The following WDR88 variants were observed in gnomAD, a reference collection of about 807,000 sequenced individuals.
WDR88 encodes the protein WD repeat-containing protein 88.
Under a neutral mutation model 46.8 loss-of-function variants are expected in WDR88, and 40 were observed. That is an observed-to-expected ratio of 0.86 (90% CI 0.66 to 1.11). WDR88 has a LOEUF of 1.11. Ranked by LOEUF, WDR88 falls within the 50% of genes most tolerant of loss-of-function variation. The pLI, the probability that WDR88 is intolerant of heterozygous loss-of-function variation, is 0.00. For missense variants in WDR88, 562 were observed against 602.4 expected (o/e 0.93, Z 0.70); for synonymous variants, 235 against 240.7 (o/e 0.98, Z 0.22).
chr19:33,175,054 G>A (rs984557142), intron 10 of WDR88: 2 of 956,686 alleles, frequency 2.1e-6, no homozygotes, highest in Non-Finnish European at 2.5e-6. Flanking sequence ...GGCCAACATG[G>A]AGAAACCCCA....
At chr19:33,173,199 AG>A (rs1974069552) in intron 10 of WDR88, among the ~76,000 whole-genome samples, 1 of 147,972 alleles carries the variant, frequency 6.8e-6, no homozygotes, top group Non-Finnish European at 1.5e-5. Flanking sequence ...GGTGCATCGG[AG>A]GGGTGGAGTG....
intron 10 of WDR88, chr19:33,174,581 G>A (rs1011761121): frequency 1.0e-6 from 1 of 983,592 alleles, no homozygotes; most frequent in African/African-American, 1.7e-5. Flanking sequence ...CAGGGACGCA[G>A]GAGGGCACCT....
At chr19:33,132,597 T>C (rs1973151846) in intron 1 of WDR88, 152 bp downstream of exon 1, 2 of 1,283,134 alleles carry the variant, frequency 1.6e-6, no homozygotes, top group Non-Finnish European at 1.1e-6. Context: ...GTGGTACATC[T>C]GTGGGCAAAG....
chr19:33,159,516 AAACAAATCAACAGTATAT>A (rs1973827792), intron 7 of WDR88, among the ~76,000 whole-genome samples: 3 of 152,274 alleles, frequency 2.0e-5, no homozygotes, highest in South Asian at 4.1e-4. Context: ...AGTTCAATGT[AAACAAATCAACAGTATAT>A]ATGCAATAAG....
intron 9 of WDR88, among the ~76,000 whole-genome samples, chr19:33,171,229 G>T (rs1379777029): frequency 6.6e-6 from 1 of 152,170 alleles, no homozygotes; most frequent in East Asian, 1.9e-4. Flanking sequence ...CAGGTGATCC[G>T]CCTGCCTTGG....
At chr19:33,154,833 C>A (rs948227197) in intron 6 of WDR88, among the ~76,000 whole-genome samples, 5 of 152,114 alleles carry the variant, frequency 3.3e-5, no homozygotes, top group African/African-American at 1.2e-4. Context: ...TGAGGTTTAT[C>A]CCGGATGGCC....
At chr19:33,170,591 T>C (rs1354254463) in intron 9 of WDR88, among the ~76,000 whole-genome samples, 1 of 151,584 alleles carries the variant, frequency 6.6e-6, no homozygotes, top group South Asian at 2.1e-4. Context: ...CTGGGCACGG[T>C]GGCTCATGCC....
chr19:33,132,539 T>A, intron 1 of WDR88, 94 bp downstream of exon 1: 1 of 1,530,294 alleles, frequency 6.5e-7, no homozygotes, highest in East Asian at 2.3e-5. Context: ...AAAACCCACC[T>A]GGCTTCACCA....
intron 2 of WDR88, among the ~76,000 whole-genome samples, chr19:33,143,644 C>CAAAA (rs11330443): frequency 8.5e-6 from 1 of 117,144 alleles, no homozygotes; most frequent in African/African-American, 2.9e-5. Flanking sequence ...GACCCTCTCT[C>CAAAA]AAAAAAAAAA....
intron 8 of WDR88, among the ~76,000 whole-genome samples, chr19:33,161,220 C>T (rs566955593): frequency 2.6e-4 from 40 of 152,230 alleles, no homozygotes; most frequent in East Asian, 9.7e-4. Flanking sequence ...TGAAGAGAGA[C>T]GCATGCCCTA....
intron 1 of WDR88, among the ~76,000 whole-genome samples, chr19:33,133,198 T>TAAAGAGAG (rs1555723214): frequency 2.5e-5 from 2 of 79,722 alleles, no homozygotes; most frequent in Admixed American, 1.0e-4. Context: ...TAAATAAATA[T>TAAAGAGAG]AGAGAGAGAG....
chr19:33,170,104 C>T (rs1036026832), intron 9 of WDR88, among the ~76,000 whole-genome samples: 8 of 151,894 alleles, frequency 5.3e-5, no homozygotes, highest in African/African-American at 1.4e-4. Context: ...CTTGAACTCT[C>T]GACCTCAGGT....
chr19:33,165,291 CTG>C (rs1048060616), intron 9 of WDR88, among the ~76,000 whole-genome samples: 1 of 151,884 alleles, frequency 6.6e-6, no homozygotes, highest in African/African-American at 2.4e-5. Flanking sequence ...ATCCAGGAGA[CTG>C]TGGGAGAGGC....
intron 9 of WDR88, 85 bp from the exon 10 acceptor site, chr19:33,172,263 C>A: frequency 8.6e-7 from 1 of 1,162,140 alleles, no homozygotes; most frequent in Non-Finnish European, 1.3e-6. Flanking sequence ...CTTGACAGCC[C>A]ATGTCTTTTG....
At chr19:33,157,388 T>C (rs1189314219) in intron 7 of WDR88, among the ~76,000 whole-genome samples, 1 of 150,458 alleles carries the variant, frequency 6.6e-6, no homozygotes, top group East Asian at 2.0e-4. Flanking sequence ...ATTCCAGCTA[T>C]TCGGGAGCCT....
In WDR88 at chr19:33,156,996, GA is replaced by G. The variant is rs1225306258; in HGVS notation, c.997+455del. Among the ~76,000 whole-genome samples, 4 of 152,204 alleles carry G rather than the reference GA, an allele frequency of 2.6e-5. No individual in the cohort carries two copies. In the East Asian group the frequency reaches 7.7e-4, roughly 29 times the overall value. ...GGACTGCTTGAAGCCAGGAGTTCAAGACCAGCCTGGGCAACACAGCAAGACC... is the reference window on the plus strand; with the variant it reads ...GGACTGCTTGAAGCCAGGAGTTCAAGCCAGCCTGGGCAACACAGCAAGACC... On this transcript the variant is annotated intron_variant, in intron 7 of 10. Transcript: ENST00000355868.
intron 1 of WDR88, among the ~76,000 whole-genome samples, chr19:33,136,173 A>T (rs1973261971): frequency 6.6e-6 from 1 of 151,746 alleles, no homozygotes; most frequent in African/African-American, 2.4e-5. Context: ...CTCCTGCCTC[A>T]GCCTCATGAG....
chr19:33,144,669 A>T (rs1599886935), intron 2 of WDR88, among the ~76,000 whole-genome samples, 175 bp from the exon 3 acceptor site: 1 of 152,134 alleles, frequency 6.6e-6, no homozygotes, highest in Non-Finnish European at 1.5e-5. Context: ...CGCTCAGGGG[A>T]CGGACATGTT....
intron 2 of WDR88, among the ~76,000 whole-genome samples, chr19:33,142,334 C>A (rs1203573393): frequency 6.6e-6 from 1 of 151,780 alleles, no homozygotes; most frequent in Non-Finnish European, 1.5e-5. Context: ...GGGGCGAAGG[C>A]ACTAGGAGGG....
Sources: allele counts gnomAD v4.1 joint callset (sites outside exome capture counted in the v4.1 genomes callset), GRCh38; gene constraint gnomAD v4.1.1; transcripts MANE v1.5; gene names NCBI Gene and HGNC (gene_info 2026-07-23, HGNC 2026-07-21).